The following PRKN variants were observed in gnomAD, a reference collection of about 807,000 sequenced individuals.
PRKN encodes E3 ubiquitin-protein ligase parkin.
A neutral mutation model predicts 59.5 loss-of-function variants in PRKN; 56 were observed. That is an observed-to-expected ratio of 0.94 (90% CI 0.76 to 1.18). The LOEUF (loss-of-function observed/expected upper bound fraction) is 1.18, where lower values mean the gene tolerates loss of function less well. PRKN is among the 50% of genes most tolerant of loss of function. The pLI is 0.00. For synonymous variants in PRKN, 250 were observed against 222.1 expected, an observed-to-expected ratio of 1.13 and a Z score of -1.12; for missense variants, 657 against 596.4, an observed-to-expected ratio of 1.10 and a Z score of -1.06.
chr6:162,024,592 T>C (rs572913464), intron 5 of PRKN, among the ~76,000 whole-genome samples: 13 of 152,348 alleles, frequency 8.5e-5, no homozygotes, highest in Admixed American at 6.5e-4. Context: ...TTTCATCTCC[T>C]TGATTAAATG....
At chr6:162,517,575 C>G (rs1777917643) in intron 1 of PRKN, among the ~76,000 whole-genome samples, 1 of 151,820 alleles carries the variant, frequency 6.6e-6, no homozygotes, top group Non-Finnish European at 1.5e-5. Context: ...TTTTAATTCC[C>G]TAAATTAAAA....
intron 7 of PRKN, among the ~76,000 whole-genome samples, chr6:161,749,984 T>C (rs746975177): frequency 1.3e-5 from 2 of 152,066 alleles, no homozygotes; most frequent in African/African-American, 2.4e-5. Flanking sequence ...TGTGTTTGCA[T>C]TGCGTTTGTT....
At chr6:162,470,958 AC>A (rs1791703806) in intron 1 of PRKN, among the ~76,000 whole-genome samples, 1 of 151,804 alleles carries the variant, frequency 6.6e-6, no homozygotes, top group South Asian at 2.1e-4. Flanking sequence ...GGGCGGTTTC[AC>A]CATGTTGGCC....
chr6:162,235,958 G>GAAAGAGAAAGAAAGAAAGAAAGAAAGAA (rs1562602229), intron 3 of PRKN, among the ~76,000 whole-genome samples: 1 of 92,600 alleles, frequency 1.1e-5, no homozygotes, highest in African/African-American at 4.0e-5. Flanking sequence ...AGGAAGAAAG[G>GAAAGAGAAAGAAAGAAAGAAAGAAAGAA]AAGAAAGAAA....
chr6:161,783,921 T>C (rs1225085924), intron 7 of PRKN, among the ~76,000 whole-genome samples: 1 of 152,220 alleles, frequency 6.6e-6, no homozygotes, highest in African/African-American at 2.4e-5. Flanking sequence ...AAGAAATTAA[T>C]TTATTCCATT....
At chr6:162,236,795 G>A (rs148102674) in intron 3 of PRKN, among the ~76,000 whole-genome samples, 2,929 of 148,742 alleles carry the variant, frequency 0.02, 47 homozygotes, top group Non-Finnish European at 0.028. Context: ...ACTCCATTTC[G>A]AAAAAAGAAA....
Position 162,556,364 on chromosome 6 carries a change from T to TGTGTGTGTGC in PRKN, c.8-112892_8-112891insGCACACACAC, listed in dbSNP as rs1554243417. Reference sequence around the variant, plus strand: ...GCTGGTGTGTGTGTGTGTGTGTGTGTGTGTGTGTGTGTGTGTGTGTGTGTG... The same window carrying TGTGTGTGTGC: ...GCTGGTGTGTGTGTGTGTGTGTGTGTGTGTGTGTGCGTGTGTGTGTGTGTGTGTGTGTGTG... On this transcript the variant is annotated intron_variant, in intron 1 of 11. Coordinates refer to ENST00000366898, the MANE Select transcript of PRKN (RefSeq NM_004562.3). 0.015 allele frequency among the ~76,000 whole-genome samples: 1,341 copies of TGTGTGTGTGC among 91,232 alleles called. 44 individuals carry two copies. The East Asian group carries it at 0.16, about 11-fold the overall frequency. The allele number at this position is 91,232 out of a possible 152,430, so 59.9% of individuals were successfully genotyped here.
intron 1 of PRKN, among the ~76,000 whole-genome samples, chr6:162,726,460 CA>C: frequency 6.6e-6 from 1 of 152,224 alleles, no homozygotes; most frequent in African/African-American, 2.4e-5. Flanking sequence ...GATTAACTTT[CA>C]AGTCATTCAC....
chr6:161,870,234 G>A (rs1794289640), intron 6 of PRKN, among the ~76,000 whole-genome samples: 1 of 151,820 alleles, frequency 6.6e-6, no homozygotes, highest in Admixed American at 6.6e-5. Context: ...CCTACAATTG[G>A]GAAGAAAAGT....
At chr6:161,586,322 C>A (rs993473926) in intron 7 of PRKN, among the ~76,000 whole-genome samples, 1 of 152,170 alleles carries the variant, frequency 6.6e-6, no homozygotes, top group Non-Finnish European at 1.5e-5. Flanking sequence ...TCAACCTGCA[C>A]CTTTGGTTTT....
chr6:161,420,875 C>T (rs903594163), intron 9 of PRKN, among the ~76,000 whole-genome samples: 3 of 152,234 alleles, frequency 2.0e-5, no homozygotes, highest in East Asian at 1.9e-4. Flanking sequence ...GAGAATTTGC[C>T]GGGCTGCTGG....
At chr6:162,059,973 T>G (rs1223063662) in intron 4 of PRKN, among the ~76,000 whole-genome samples, 2 of 152,226 alleles carry the variant, frequency 1.3e-5, no homozygotes, top group African/African-American at 2.4e-5. Flanking sequence ...CATAAAGTTT[T>G]ATTGGCATAT....
intron 6 of PRKN, among the ~76,000 whole-genome samples, chr6:161,903,292 A>G (rs921791664): frequency 1.3e-5 from 2 of 152,160 alleles, no homozygotes; most frequent in Non-Finnish European, 2.9e-5. Flanking sequence ...GGGTGTATTT[A>G]CACCACAGAA....
chr6:161,728,359 G>A (rs1259823195), intron 7 of PRKN, among the ~76,000 whole-genome samples: 2 of 151,918 alleles, frequency 1.3e-5, no homozygotes, highest in East Asian at 3.9e-4. Flanking sequence ...TCTCTATTTT[G>A]CTTTTAATTT....
intron 1 of PRKN, among the ~76,000 whole-genome samples, chr6:162,534,143 A>G (rs992216983): frequency 6.6e-6 from 1 of 152,182 alleles, no homozygotes; most frequent in Non-Finnish European, 1.5e-5. Context: ...CCTATTGAAG[A>G]AAAGGCAAAT....
chr6:162,117,375 G>A (rs1001365203), intron 4 of PRKN, among the ~76,000 whole-genome samples: 6 of 152,218 alleles, frequency 3.9e-5, no homozygotes, highest in Non-Finnish European at 8.8e-5. Context: ...CCTAAGCCTA[G>A]GGGAGGCTTA....
chr6:162,342,841 C>T (rs9346912), intron 2 of PRKN, among the ~76,000 whole-genome samples: 3,288 of 152,174 alleles, frequency 0.022, 70 homozygotes, highest in East Asian at 0.11. Flanking sequence ...ACGTGATATA[C>T]TTATCTACTG....
chr6:162,310,153 A>G (rs1248796869), intron 2 of PRKN, among the ~76,000 whole-genome samples: 6 of 152,218 alleles, frequency 3.9e-5, no homozygotes, highest in Admixed American at 3.9e-4. Context: ...AATGAAAGAT[A>G]AGAGCTAAAG....
chr6:162,452,438 C>CATATAG lies in PRKN; in HGVS notation c.8-8966_8-8965insCTATAT, dbSNP rs559992851. ...ATTCTATTCCATGGGGAGTTTAGAA[C>CATATAG]ATATAATATGTATGCCAAGTATGGC... is the stretch of plus-strand genomic sequence containing the variant. On this transcript the variant is annotated intron_variant, in intron 1 of 11. Transcript: ENST00000366898. Among the ~76,000 whole-genome samples the CATATAG allele has an allele frequency of 1.9e-3, 296 of 151,958 alleles. 5 individuals carry two copies. The South Asian group carries it at 0.024, about 12-fold the overall frequency.
Sources: gnomAD v4.1 joint callset for allele counts (sites outside exome capture counted in the v4.1 genomes callset) on GRCh38, gnomAD v4.1.1 for gene constraint, MANE v1.5 for transcripts, NCBI Gene and HGNC (gene_info 2026-07-23, HGNC 2026-07-21) for gene names.